Variants in KANK1 observed in about 807,000 individuals in gnomAD.
KANK1 encodes KN motif and ankyrin repeat domains 1, also known as KN motif and ankyrin repeat domain-containing protein 1.
Under a neutral mutation model 106.2 loss-of-function variants are expected in KANK1, and 109 were observed. The observed-to-expected ratio is 1.03, with a 90% CI of 0.88 to 1.20. The LOEUF is 1.20. Ranked by LOEUF, KANK1 falls within the 50% of genes most tolerant of loss-of-function variation. The pLI, the probability that KANK1 is intolerant of heterozygous loss-of-function variation, is 0.00. For synonymous variants in KANK1, 873 were observed against 652.2 expected (o/e 1.34, Z -5.16); for missense variants, 2,399 against 1,710.7 (o/e 1.40, Z -7.10).
chr9:541,642 T>A (rs546246855), intron 1 of KANK1, among the ~76,000 whole-genome samples: 20 of 151,948 alleles, frequency 1.3e-4, no homozygotes, highest in African/African-American at 3.6e-4. Context: ...AAAAAAAAAA[T>A]TCTGCATAGA....
At chr9:558,410 G>A (rs180782909) in intron 1 of KANK1, among the ~76,000 whole-genome samples, 116 of 152,308 alleles carry the variant, frequency 7.6e-4, no homozygotes, top group African/African-American at 2.3e-3. Context: ...GTGAGCCTCT[G>A]GTTATAACGA....
At chr9:691,739 G>A (rs1019629267) in intron 2 of KANK1, among the ~76,000 whole-genome samples, 3 of 146,966 alleles carry the variant, frequency 2.0e-5, no homozygotes, top group Non-Finnish European at 4.5e-5. Context: ...CTCAGCTCCC[G>A]AGAAACTGAG....
intron 1 of KANK1, among the ~76,000 whole-genome samples, chr9:586,703 C>T (rs866112887): frequency 1.3e-5 from 2 of 152,110 alleles, no homozygotes; most frequent in African/African-American, 4.8e-5. Flanking sequence ...ACCAAACACA[C>T]GGAGGAGGAG....
At chr9:550,360 C>T (rs546501275) in intron 1 of KANK1, among the ~76,000 whole-genome samples, 5 of 152,278 alleles carry the variant, frequency 3.3e-5, no homozygotes, top group African/African-American at 1.2e-4. Context: ...CTAGCCACTC[C>T]TTTTTCCCTG....
intron 6 of KANK1, chr9:734,127 A>C (rs1425459783): frequency 6.6e-6 from 1 of 150,892 alleles, no homozygotes; most frequent in East Asian, 2.0e-4. Flanking sequence ...AAAAAAAAAA[A>C]AAAAAACTTA....
At chr9:729,958 A>C (rs1239891305) in intron 3 of KANK1, 93 bp from the exon 4 acceptor site, 17 of 1,112,384 alleles carry the variant, frequency 1.5e-5, no homozygotes, top group Non-Finnish European at 2.1e-5. Flanking sequence ...TAATAGTCCC[A>C]TTTTAAATTA....
intron 1 of KANK1, among the ~76,000 whole-genome samples, chr9:517,315 G>T (rs2059326507): frequency 6.6e-6 from 1 of 151,646 alleles, no homozygotes; most frequent in Non-Finnish European, 1.5e-5. Flanking sequence ...TGTTGGCCAG[G>T]ATGGTCTCGA....
Position 699,994 on chromosome 9 carries a change from T to A in KANK1, c.38-10810T>A, listed in dbSNP as rs182679159. 1.0e-3 allele frequency among the ~76,000 whole-genome samples: 153 copies of A among 152,226 alleles called. 1 individual carries two copies. Among genetic ancestry groups the A allele is most frequent in the African/African-American group, 3.5e-3 (146 of 41,538 alleles). The stretch of plus-strand genomic sequence containing the variant: ...AAGACCCTGTCTCTAAAAGAATGAA[T>A]GAATACATACTTACCTACCTACCTA... On this transcript the variant is annotated intron_variant, in intron 2 of 11. Transcript: ENST00000382297.
intron 1 of KANK1, among the ~76,000 whole-genome samples, chr9:563,857 A>G (rs1817122716): frequency 1.3e-5 from 2 of 152,082 alleles, no homozygotes; most frequent in African/African-American, 4.8e-5. Flanking sequence ...TAAAATACCT[A>G]GACTAGCACA....
chr9:740,145 G>A (rs997468528), intron 8 of KANK1, among the ~76,000 whole-genome samples: 8 of 152,100 alleles, frequency 5.3e-5, no homozygotes, highest in African/African-American at 1.4e-4. Flanking sequence ...TTAAATGCCC[G>A]AAGGATAATT....
At chr9:523,920 C>T (rs1186360268) in intron 1 of KANK1, among the ~76,000 whole-genome samples, 1 of 151,446 alleles carries the variant, frequency 6.6e-6, no homozygotes, top group East Asian at 1.9e-4. Context: ...CGGGCTTTTC[C>T]AGGGCAGGAA....
rs80173651 is a variant in KANK1 at position 716,037 on chromosome 9, G to A, written c.2698+2573G>A. Among the ~76,000 whole-genome samples, 899 of 152,290 alleles carry A rather than the reference G, an allele frequency of 5.9e-3. 7 individuals carry two copies. Among genetic ancestry groups the A allele is most frequent in the African/African-American group, 0.02 (850 of 41,564 alleles). On this transcript the variant is annotated intron_variant, in intron 3 of 11. Transcript: ENST00000382297. ...GTATTTCTGAACCAAAAGATATACT[G>A]GAGTATAGAAGGGTATTCATCTCAA... is the stretch of plus-strand genomic sequence containing the variant.
chr9:652,503 A>C (rs62530090), intron 1 of KANK1, among the ~76,000 whole-genome samples: 23,348 of 152,212 alleles, frequency 0.15, 1,960 homozygotes, highest in Admixed American at 0.18. Context: ...AGCCTGGGCG[A>C]CAAGAGCGAA....
intron 3 of KANK1, among the ~76,000 whole-genome samples, chr9:717,896 G>C (rs1828153142): frequency 6.6e-6 from 1 of 152,118 alleles, no homozygotes; most frequent in South Asian, 2.1e-4. Flanking sequence ...CCTGCCCCAT[G>C]ATTTATAGAA....
intron 1 of KANK1, among the ~76,000 whole-genome samples, chr9:527,839 C>A (rs2059865302): frequency 6.6e-6 from 1 of 151,208 alleles, no homozygotes; most frequent in Non-Finnish European, 1.5e-5. Flanking sequence ...ATAGAGTTTC[C>A]CCTCACTTCT....
chr9:582,437 A>G (rs941227656), intron 1 of KANK1, among the ~76,000 whole-genome samples: 2 of 152,108 alleles, frequency 1.3e-5, no homozygotes, highest in Admixed American at 1.3e-4. Flanking sequence ...GGCAATGGGT[A>G]GTCTAGTTCT....
chr9:591,999 C>A (rs900773897), intron 1 of KANK1, among the ~76,000 whole-genome samples: 3 of 151,674 alleles, frequency 2.0e-5, no homozygotes, highest in Non-Finnish European at 4.4e-5. Flanking sequence ...TTCCTGTTTC[C>A]CCCTCCAGCC....
At chr9:697,273 C>G (rs1821547066) in intron 2 of KANK1, among the ~76,000 whole-genome samples, 2 of 152,102 alleles carry the variant, frequency 1.3e-5, no homozygotes, top group South Asian at 4.1e-4. Flanking sequence ...CAGGACAGTG[C>G]AAAAGTGATG....
At chr9:698,507 G>A (rs1195576671) in intron 2 of KANK1, among the ~76,000 whole-genome samples, 1 of 152,086 alleles carries the variant, frequency 6.6e-6, no homozygotes, top group Non-Finnish European at 1.5e-5. Flanking sequence ...GCAGAATGAG[G>A]TAACAGAGCC....
Sources: allele counts gnomAD v4.1 joint callset (sites outside exome capture counted in the v4.1 genomes callset), GRCh38; gene constraint gnomAD v4.1.1; transcripts MANE v1.5; gene names NCBI Gene and HGNC (gene_info 2026-07-23, HGNC 2026-07-21).